Variants in CACNA1G observed in about 807,000 individuals in gnomAD.
CACNA1G encodes voltage-dependent T-type calcium channel subunit alpha-1G.
In CACNA1G, 67 loss-of-function variants were observed where a neutral mutation model predicts 219.4. The observed-to-expected ratio is 0.31, with a 90% CI of 0.25 to 0.37. The LOEUF is 0.37. Ranked by LOEUF, CACNA1G falls within the 10% of genes least tolerant of loss-of-function variation. The pLI is 1.00. For missense variants in CACNA1G, 2,380 were observed against 3,231.4 expected, an observed-to-expected ratio of 0.74 and a Z score of 6.39; for synonymous variants, 1,296 against 1,345.3, an observed-to-expected ratio of 0.96 and a Z score of 0.80.
rs2050593380 is a variant in CACNA1G at position 50,616,320 on chromosome 17, A to G, written c.4957A>G (p.Ile1653Val). 4 of 1,613,658 alleles carry G rather than the reference A, an allele frequency of 2.5e-6. No individual in the cohort carries two copies. Among genetic ancestry groups the G allele is most frequent in the South Asian group, 2.2e-5 (2 of 91,064 alleles). ...LKICNYIFTV[I>V]FVLESVFKLV... ...GATCTGCAACTACATCTTCACTGTC[A>G]TCTTTGTCTTGGAGTCAGTTTTCAA... Residue 1653 changes from isoleucine to valine, a missense_variant, in exon 28 of 38, where the codon ATC becomes GTC. Coordinates refer to ENST00000359106, the MANE Select transcript of CACNA1G (RefSeq NM_018896.5).
Position 50,626,486 on chromosome 17 carries a change from T to G in CACNA1G, c.6869T>G (p.Leu2290Arg). The G allele has an allele frequency of 6.3e-7, 1 of 1,593,276 alleles. No individual in the cohort carries two copies. Among genetic ancestry groups the G allele is most frequent in the South Asian group, 1.1e-5 (1 of 88,544 alleles). The change falls in exon 38 of 38, where the codon CTT becomes CGT. Residue 2290 changes from leucine to arginine, a missense_variant. Physicochemically the swap from Leu to Arg is moderately radical, Grantham distance 102 (BLOSUM62 -2). Transcript: ENST00000359106. This position sits in a 1 kb window ranked among gnomAD's most constrained non-coding sequence, Gnocchi z 4.3. ...QPHLGTDPSN[L>R]GGQPLGGPGS... ...CACCTGGGCACAGACCCCTCTAACC[T>G]TGGGGGCCAGCCTCTTGGGGGGCCT...
chr17:50,587,965 A>T (rs8078487), intron 9 of CACNA1G, among the ~76,000 whole-genome samples: 7,514 of 152,120 alleles, frequency 0.049, 266 homozygotes, highest in African/African-American at 0.084. Flanking sequence ...CTCCTTCTCC[A>T]CGCACAGTAG....
At chr17:50,585,355 T>G (rs151304938) in intron 9 of CACNA1G, among the ~76,000 whole-genome samples, 2 of 152,294 alleles carry the variant, frequency 1.3e-5, no homozygotes, top group African/African-American at 4.8e-5. Context: ...GTCAGCTGTC[T>G]TGAAGCTGAG....
chr17:50,578,307 G>A lies in CACNA1G; in HGVS notation c.2044G>A (p.Asp682Asn), dbSNP rs113488484. The change falls in exon 9 of 38, where the codon GAC (aspartate) becomes AAC (asparagine). Residue 682 changes from aspartate to asparagine, a missense_variant. Physicochemically the swap from Asp to Asn is conservative, Grantham distance 23 (BLOSUM62 1). Transcript: ENST00000359106. This position sits in a 1 kb window ranked among gnomAD's most constrained non-coding sequence, Gnocchi z 4.5. ...RAGAGEVELA[D>N]REMPDSDSEA... ...CGGGGCAGGGGAGGTGGAGCTCGCC[G>A]ACCGTGAAATGCCTGACTCAGACAG... 25 of 1,613,042 alleles carry A rather than the reference G, an allele frequency of 1.5e-5. No homozygotes were observed. Among genetic ancestry groups the A allele is most frequent in the African/African-American group, 8.0e-5 (6 of 74,912 alleles).
At chr17:50,619,540 GCACATGTGCA>G in intron 33 of CACNA1G, 133 bp from the exon 34 acceptor site, 2 of 551,036 alleles carry the variant, frequency 3.6e-6, no homozygotes, top group South Asian at 4.0e-5. Context: ...TTGTGTGTGT[GCACATGTGCA>G]TGTGTGTTGT....
chr17:50,583,972 G>A (rs1210745587), intron 9 of CACNA1G, among the ~76,000 whole-genome samples: 1 of 152,302 alleles, frequency 6.6e-6, no homozygotes, highest in African/African-American at 2.4e-5. Flanking sequence ...CAATTTCACT[G>A]GCAGGTTCTC....
At chr17:50,565,150 C>T (rs2037361549) in intron 1 of CACNA1G, among the ~76,000 whole-genome samples, 1 of 152,224 alleles carries the variant, frequency 6.6e-6, no homozygotes, top group South Asian at 2.1e-4. Flanking sequence ...CACGCGCACA[C>T]ACACACACAG....
chr17:50,570,557 C>CTGTGTGTGTGTGTGTGTGTGTGTGTGTG lies in CACNA1G; in HGVS notation c.586+759_586+786dup, dbSNP rs3062844. Reference sequence around the variant, plus strand: ...TGATGTAGCAGCAGCCCCCTGCGCTCTGTGTGTGTGTGTGTGTGTGTGTGT... The same window carrying CTGTGTGTGTGTGTGTGTGTGTGTGTGTG: ...TGATGTAGCAGCAGCCCCCTGCGCTCTGTGTGTGTGTGTGTGTGTGTGTGTGTGTGTGTGTGTGTGTGTGTGTGTGTGT... On this transcript the variant is annotated intron_variant, in intron 4 of 37. Coordinates refer to ENST00000359106, the MANE Select transcript of CACNA1G (RefSeq NM_018896.5). 4.8e-3 allele frequency among the ~76,000 whole-genome samples: 639 copies of CTGTGTGTGTGTGTGTGTGTGTGTGTGTG among 132,654 alleles called. 16 individuals carry two copies. Among genetic ancestry groups the CTGTGTGTGTGTGTGTGTGTGTGTGTGTG allele is most frequent in the African/African-American group, 7.9e-3 (270 of 34,296 alleles). The allele number at this position is 132,654 out of a possible 152,430, so 87.0% of individuals were successfully genotyped here.
rs751203259 is a variant in CACNA1G at position 50,572,833 on chromosome 17, T to C, written c.1026T>C (p.Tyr342=). 1.2e-5 allele frequency: 20 copies of C among 1,612,816 alleles called. No individual in the cohort carries two copies. The highest frequency in any genetic ancestry group is 8.5e-7 in the Non-Finnish European group (1 of 1,179,066). Residue 342 remains tyrosine, a synonymous_variant, in exon 6 of 38, where the codon TAT becomes TAC. Coordinates refer to ENST00000359106, the MANE Select transcript of CACNA1G (RefSeq NM_018896.5). ...CCATCAACTTTGACAACATTGGCTA[T>C]GCCTGGATCGCCATCTTCCAGGTGG... is the stretch of plus-strand genomic sequence containing the variant. The part of the protein sequence containing the change: ...KGAINFDNIG[Y]AWIAIFQVIT...
intron 25 of CACNA1G, among the ~76,000 whole-genome samples, chr17:50,608,474 A>G (rs2048426580): frequency 6.6e-6 from 1 of 151,968 alleles, no homozygotes; most frequent in Non-Finnish European, 1.5e-5. Context: ...ACAGCGTAAA[A>G]GAGAACCCAG....
At chr17:50,604,959 G>A (rs1035071504) in intron 22 of CACNA1G, among the ~76,000 whole-genome samples, 9 of 151,564 alleles carry the variant, frequency 5.9e-5, no homozygotes, top group Admixed American at 2.0e-4. Flanking sequence ...CCCGCCCCTC[G>A]TTCCCTTGGC....
In CACNA1G at chr17:50,578,657, C is replaced by G. The variant is rs2041234582; in HGVS notation, c.2301+93C>G. 2.3e-6 allele frequency: 3 copies of G among 1,300,776 alleles called. No homozygotes were observed. The East Asian group carries it at 7.3e-5, about 32-fold the overall frequency. 80.6% of individuals were successfully genotyped at this position (1,300,776 alleles called of 1,614,324 possible). A position where few individuals can be genotyped will look rare whatever the true frequency, so the allele number is the denominator to read the frequency against. ...CCCTCCGCACCCCTCCTCCTGAGCTCAGCTTCCTCTCCATGCTGCTAGCCC... is the reference window on the plus strand; with the variant it reads ...CCCTCCGCACCCCTCCTCCTGAGCTGAGCTTCCTCTCCATGCTGCTAGCCC... On this transcript the variant is annotated intron_variant, in intron 9 of 37. Transcript: ENST00000359106. This position sits in a 1 kb window ranked among gnomAD's most constrained non-coding sequence, Gnocchi z 4.5.
In CACNA1G at chr17:50,596,430, A is replaced by G. The variant is rs2045558499; in HGVS notation, c.2980-132A>G. ...CTGGGGGGTCTGGCCTGCGCCGTGC[A>G]TGTCTCGTGCCGTGGTTGCTGGTTC... On this transcript the variant is annotated intron_variant, in intron 14 of 37. Transcript: ENST00000359106. The surrounding 1 kb of genome is among the most constrained non-coding windows in gnomAD (Gnocchi z 4.8). The G allele has an allele frequency of 1.4e-6, 1 of 733,822 alleles. No individual in the cohort carries two copies. The highest frequency in any genetic ancestry group is 2.4e-6 in the Non-Finnish European group (1 of 421,706). 45.5% of individuals were successfully genotyped at this position (733,822 alleles called of 1,614,324 possible). A position where few individuals can be genotyped will look rare whatever the true frequency, so the allele number is the denominator to read the frequency against.
At chr17:50,589,932 G>GTA (rs1229656486) in intron 9 of CACNA1G, among the ~76,000 whole-genome samples, 1 of 151,974 alleles carries the variant, frequency 6.6e-6, no homozygotes, top group African/African-American at 2.4e-5. Context: ...GTGTGTGTGT[G>GTA]TGTGTGTGTG....
chr17:50,583,110 G>A (rs189449782), intron 9 of CACNA1G, among the ~76,000 whole-genome samples: 24 of 152,246 alleles, frequency 1.6e-4, no homozygotes, highest in Non-Finnish European at 2.6e-4. Flanking sequence ...ATCCCCATAT[G>A]CCTGGACACC....
chr17:50,579,175 C>T (rs1197295035), intron 9 of CACNA1G, among the ~76,000 whole-genome samples: 4 of 152,130 alleles, frequency 2.6e-5, no homozygotes, highest in South Asian at 2.1e-4. Context: ...TTGAAGCCAT[C>T]GCGTTTGAGG....
In CACNA1G at chr17:50,625,054, G is replaced by A. The variant is rs568115778; in HGVS notation, c.6399+525G>A. Among the ~76,000 whole-genome samples, 4 of 148,022 alleles carry A rather than the reference G, an allele frequency of 2.7e-5. No homozygotes were observed. The East Asian group carries it at 8.3e-4, about 31-fold the overall frequency. On this transcript the variant is annotated intron_variant, in intron 37 of 37. Transcript: ENST00000359106. Reference sequence around the variant, plus strand: ...CGCAACCTCCGCCTCCTGGGTTCAAGTGATTCTCCTGCATCAGCCTCCCGA... The same window carrying A: ...CGCAACCTCCGCCTCCTGGGTTCAAATGATTCTCCTGCATCAGCCTCCCGA...
intron 36 of CACNA1G, 96 bp downstream of exon 36, chr17:50,624,171 C>T: frequency 2.7e-6 from 4 of 1,460,446 alleles, no homozygotes; most frequent in South Asian, 2.5e-5. Flanking sequence ...ACTGAGGCAG[C>T]CAAAGAGGTA....
intron 26 of CACNA1G, among the ~76,000 whole-genome samples, chr17:50,614,052 C>T (rs2049885945): frequency 6.6e-6 from 1 of 152,246 alleles, no homozygotes; most frequent in African/African-American, 2.4e-5. Flanking sequence ...AAGGCCGATG[C>T]TGGAGAGTGG....
Sources: gnomAD v4.1 joint callset for allele counts (sites outside exome capture counted in the v4.1 genomes callset) on GRCh38, gnomAD v4.1.1 for gene constraint, Gnocchi (gnomAD v3.1) non-coding constraint, MANE v1.5 for transcripts, NCBI Gene and HGNC (gene_info 2026-07-23, HGNC 2026-07-21) for gene names.